The following TSPAN1 variants were observed in gnomAD, a reference collection of about 807,000 sequenced individuals.
TSPAN1 encodes the protein tetraspanin-1.
TSPAN1 carries 23 observed loss-of-function variants against 26.9 expected under a neutral mutation model. The ratio of observed to expected loss-of-function variants is 0.85; its 90% CI spans 0.62 to 1.21. TSPAN1 has a LOEUF of 1.21. Among genes scored for constraint, TSPAN1 ranks in the 50% most tolerant of loss-of-function variants. The pLI is 0.00. For missense variants in TSPAN1, 283 were observed against 298.4 expected (o/e 0.95, Z 0.38); for synonymous variants, 115 against 114.8 (o/e 1.00, Z -0.01).
rs575979837 is a variant in TSPAN1, at chr1:46,184,301, G to A, written c.168G>A (p.Val56=). ...CCAGTGCCATGCAGTTTGTCAACGT[G>A]GGCTACTTCCTCATCGCAGCCGGCG... The part of the protein sequence containing the change: ...LSSSAMQFVN[V]GYFLIAAGVV... The change falls in exon 4 of 9, where the codon GTG becomes GTA. Residue 56 remains valine, a synonymous_variant. Transcript: ENST00000372003. 1 of 1,614,158 alleles carries A rather than the reference G, an allele frequency of 6.2e-7. No homozygotes were observed. Among genetic ancestry groups the A allele is most frequent in the Non-Finnish European group, 8.5e-7 (1 of 1,180,034 alleles).
chr1:46,181,420 A>G (rs1657313464), intron 3 of TSPAN1, among the ~76,000 whole-genome samples: 1 of 152,208 alleles, frequency 6.6e-6, no homozygotes, highest in South Asian at 2.1e-4. Context: ...ACAAAGCTTT[A>G]GCCTAGGCTT....
Position 46,185,653 on chromosome 1 carries a change from C to T in TSPAN1, c.*120C>T, listed in dbSNP as rs1657414997. ...ACAATGTCACTTGGGCCAGAATGGA[C>T]CTGCCCTTTCTGCTCCAGACTTGGG... On this transcript the variant is annotated 3_prime_UTR_variant, in exon 9 of 9. Transcript: ENST00000372003. 1.7e-6 allele frequency: 2 copies of T among 1,152,158 alleles called. No individual in the cohort carries two copies. The highest frequency in any genetic ancestry group is 2.5e-6 in the Non-Finnish European group (2 of 789,230). The allele number at this position is 1,152,158 out of a possible 1,614,324, so 71.4% of individuals were successfully genotyped here. A position where few individuals can be genotyped will look rare whatever the true frequency, so the allele number is the denominator to read the frequency against.
Position 46,184,351 on chromosome 1 carries a change from TG to T in TSPAN1, c.221del (p.Gly74AlafsTer14). The T allele has an allele frequency of 6.2e-7, 1 of 1,614,204 alleles. No homozygotes were observed. The highest frequency in any genetic ancestry group is 2.2e-5 in the East Asian group (1 of 44,880). On this transcript the variant is annotated frameshift_variant, in exon 4 of 9. Transcript: ENST00000372003. LOFTEE classifies it high-confidence loss of function. ...AGVVVFALGF[L>X]GCYGAKTESK... is the part of the protein sequence containing the mutation. ...GTTGTGGTCTTTGCTCTTGGTTTCC[TG>T]GGCTGCTATGGTGCTAAGACTGAGA...
downstream of TSPAN1, chr1:46,189,802 G>A (rs1657606684): frequency 2.5e-6 from 4 of 1,610,912 alleles, no homozygotes; most frequent in Admixed American, 5.0e-5. Context: ...TCTTGGGGCA[G>A]TATGTGTGTG....
intron 1 of TSPAN1, among the ~76,000 whole-genome samples, chr1:46,176,760 G>GT: frequency 6.6e-6 from 1 of 152,246 alleles, no homozygotes; most frequent in East Asian, 1.9e-4. Context: ...TATTAACAAT[G>GT]TTTTTTGAGC....
Position 46,184,960 on chromosome 1 carries a change from C to G in TSPAN1, c.439C>G (p.Leu147Val). The change falls in exon 7 of 9, where the codon CTC becomes GTC. Residue 147 changes from leucine to valine, a missense_variant and splice_region_variant. Leu to Val is a conservative substitution (Grantham distance 32). Transcript: ENST00000372003. Reference protein sequence around the residue: ...TQVWNTTMKGLKCCGFTNYTD... With the variant: ...TQVWNTTMKGVKCCGFTNYTD... ...ACCTCCACCCTCATCTTGTCTCCAG[C>G]TCAAGTGCTGTGGCTTCACCAACTA... 1.2e-6 allele frequency: 2 copies of G among 1,614,226 alleles called. No homozygotes were observed. The highest frequency in any genetic ancestry group is 1.7e-6 in the Non-Finnish European group (2 of 1,180,046).
the TSPAN1 span, chr1:46,194,881 G>A: frequency 1.2e-6 from 2 of 1,614,146 alleles, no homozygotes; most frequent in Non-Finnish European, 1.7e-6. Context: ...TGTCCCTCCA[G>A]CCCAGGGCAG....
At chr1:46,192,299 G>T in the TSPAN1 span, 3 of 1,614,140 alleles carry the variant, frequency 1.9e-6, no homozygotes, top group Non-Finnish European at 2.5e-6. Context: ...ACCCTACCCT[G>T]ACAGTTACCT....
chr1:46,193,191 T>C, the TSPAN1 span: 1 of 1,614,182 alleles, frequency 6.2e-7, no homozygotes, highest in Non-Finnish European at 8.5e-7. Flanking sequence ...AGGTTGAAAG[T>C]GGCAGTGAGG....
In TSPAN1 at chr1:46,180,526, G is replaced by A. The variant is rs964120494; in HGVS notation, c.-141G>A. 2.0e-5 allele frequency: 3 copies of A among 152,466 alleles called. No homozygotes were observed. The highest frequency in any genetic ancestry group is 7.2e-5 in the African/African-American group (3 of 41,462). 9.4% of individuals were successfully genotyped at this position (152,466 alleles called of 1,614,324 possible). A position where few individuals can be genotyped will look rare whatever the true frequency, so the allele number is the denominator to read the frequency against. The stretch of plus-strand genomic sequence containing the variant: ...TTTAAAGCGCCTACCCTGCCTGCAG[G>A]TGAGCAGTGGTGTGTGAGAGCCAGG... On this transcript the variant is annotated splice_region_variant and 5_prime_UTR_variant, in exon 2 of 9. The change creates a new upstream start codon in the 5' untranslated region. Transcript: ENST00000372003.
chr1:46,196,229 C>T, the TSPAN1 span: 9 of 1,482,568 alleles, frequency 6.1e-6, no homozygotes, highest in East Asian at 2.5e-5. The surrounding 1 kb of genome is among the most constrained non-coding windows in gnomAD (Gnocchi z 4.4). Flanking sequence ...TCGAAGGCCA[C>T]CTCTTCCAGA....
chr1:46,182,174 G>A (rs1277618419), intron 3 of TSPAN1, among the ~76,000 whole-genome samples: 2 of 151,712 alleles, frequency 1.3e-5, no homozygotes, highest in African/African-American at 4.8e-5. Context: ...CCCAGTGGAG[G>A]TGCAGCTCAG....
downstream of TSPAN1, chr1:46,190,838 C>A: frequency 2.0e-6 from 3 of 1,497,590 alleles, no homozygotes; most frequent in Non-Finnish European, 2.8e-6. Flanking sequence ...GGCCCACACC[C>A]ACTTGCTGAC....
In TSPAN1 at chr1:46,180,549, A is replaced by C. The variant is rs914691798; in HGVS notation, c.-118A>C. ...AGGTGAGCAGTGGTGTGTGAGAGCC[A>C]GGCGTCCCTCTGCCTGCCCACTCAG... is the stretch of plus-strand genomic sequence containing the variant. On this transcript the variant is annotated 5_prime_UTR_variant, in exon 2 of 9. Transcript: ENST00000372003. The C allele has an allele frequency of 1.3e-5, 2 of 152,682 alleles. No homozygotes were observed. The highest frequency in any genetic ancestry group is 1.3e-4 in the Admixed American group (2 of 15,312). 9.5% of individuals were successfully genotyped at this position (152,682 alleles called of 1,614,324 possible). A position where few individuals can be genotyped will look rare whatever the true frequency, so the allele number is the denominator to read the frequency against.
intron 3 of TSPAN1, among the ~76,000 whole-genome samples, chr1:46,182,332 G>C (rs527430365): frequency 5.2e-3 from 74 of 14,142 alleles, no homozygotes; most frequent in African/African-American, 7.4e-3. Flanking sequence ...CTGTGAAGGA[G>C]ATGGAGAAGG....
At chr1:46,177,348 A>ATCTATCT (rs1553161661) in intron 1 of TSPAN1, among the ~76,000 whole-genome samples, 1 of 100,034 alleles carries the variant, frequency 1.0e-5, no homozygotes, top group East Asian at 3.7e-4. Flanking sequence ...AAAAAAAAAA[A>ATCTATCT]ATATATCTAT....
chr1:46,189,170 C>G, downstream of TSPAN1: 1 of 1,526,100 alleles, frequency 6.6e-7, no homozygotes, highest in Admixed American at 2.3e-5. Context: ...AAGGTAGCCC[C>G]AGCCCCTACC....
At chr1:46,191,117 A>T in the TSPAN1 span, 1 of 361,030 alleles carries the variant, frequency 2.8e-6, no homozygotes, top group East Asian at 7.0e-5. Context: ...GCCCTGCAGG[A>T]GGTGGTGGGC....
At position 46,185,612 on chromosome 1, in the gene TSPAN1, G is replaced by T; in HGVS notation, c.*79G>T. The T allele has an allele frequency of 6.7e-7, 1 of 1,502,968 alleles. No individual in the cohort carries two copies. Among genetic ancestry groups the T allele is most frequent in the South Asian group, 1.2e-5 (1 of 86,758 alleles). The allele number at this position is 1,502,968 out of a possible 1,614,324, so 93.1% of individuals were successfully genotyped here. Reference sequence around the variant, plus strand: ...CCCTGGCAAGCAGCAGTGATTGGGGGAGGGGACAGGATCTAACAATGTCAC... The same window carrying T: ...CCCTGGCAAGCAGCAGTGATTGGGGTAGGGGACAGGATCTAACAATGTCAC... On this transcript the variant is annotated 3_prime_UTR_variant, in exon 9 of 9. Transcript: ENST00000372003.
Sources: gnomAD v4.1 joint callset for allele counts (sites outside exome capture counted in the v4.1 genomes callset) on GRCh38, gnomAD v4.1.1 for gene constraint, Gnocchi (gnomAD v3.1) non-coding constraint, MANE v1.5 for transcripts, NCBI Gene and HGNC (gene_info 2026-07-23, HGNC 2026-07-21) for gene names.